Variants in CNTN4 observed in about 807,000 individuals in gnomAD.
CNTN4 encodes the protein contactin 4, also known as contactin-4.
A neutral mutation model predicts 122.5 loss-of-function variants in CNTN4; 77 were observed. That is an observed-to-expected ratio of 0.63 (90% CI 0.52 to 0.76). CNTN4 has a LOEUF of 0.76. CNTN4 is among the 30% of genes least tolerant of loss of function. The probability of loss-of-function intolerance (pLI) is 0.00; values close to 1 mark genes in which losing one functional copy is unlikely to be tolerated. For missense variants in CNTN4, 1,256 were observed against 1,259.1 expected (o/e 1.00, Z 0.04); for synonymous variants, 512 against 447.0 (o/e 1.15, Z -1.83).
Position 2,835,940 on chromosome 3 carries a change from A to G in CNTN4, c.454+16359A>G, listed in dbSNP as rs17021254. ...GAATTAGAAAACAGTATATAGAGAGACATCCAAGAGGAGCTTTGAGATATG... is the reference window on the plus strand; with the variant it reads ...GAATTAGAAAACAGTATATAGAGAGGCATCCAAGAGGAGCTTTGAGATATG... On this transcript the variant is annotated intron_variant, in intron 7 of 24. Coordinates refer to ENST00000418658, the MANE Select transcript of CNTN4 (RefSeq NM_175607.3). 6.2e-3 allele frequency among the ~76,000 whole-genome samples: 937 copies of G among 152,282 alleles called. 10 individuals carry two copies. The highest frequency in any genetic ancestry group is 0.01 in the Middle Eastern group (3 of 294).
At chr3:2,564,371 T>C (rs2079070903) in intron 3 of CNTN4, among the ~76,000 whole-genome samples, 1 of 152,154 alleles carries the variant, frequency 6.6e-6, no homozygotes, top group Non-Finnish European at 1.5e-5. Context: ...AACAGTTTAA[T>C]ACATAGAATT....
chr3:3,037,684 G>A lies in CNTN4; in HGVS notation c.2092+356G>A, dbSNP rs530240218. On this transcript the variant is annotated intron_variant, in intron 18 of 24. Coordinates refer to ENST00000418658, the MANE Select transcript of CNTN4 (RefSeq NM_175607.3). ...AAATTATCTCACATAAGTAACTAATGGCAAAGAATAATTTGTGACTGCTCT... is the reference window on the plus strand; with the variant it reads ...AAATTATCTCACATAAGTAACTAATAGCAAAGAATAATTTGTGACTGCTCT... 4 of 344,922 alleles carry A rather than the reference G, an allele frequency of 1.2e-5. No individual in the cohort carries two copies. In the East Asian group the frequency reaches 2.9e-4, roughly 25 times the overall value. 21.4% of individuals were successfully genotyped at this position (344,922 alleles called of 1,614,324 possible).
intron 13 of CNTN4, among the ~76,000 whole-genome samples, chr3:2,943,243 A>G (rs970332144): frequency 3.9e-5 from 6 of 152,192 alleles, no homozygotes; most frequent in Non-Finnish European, 7.3e-5. Context: ...GGTAAAAGCT[A>G]CAGAGAGTCT....
intron 2 of CNTN4, among the ~76,000 whole-genome samples, chr3:2,325,684 C>T (rs1158883725): frequency 6.6e-6 from 1 of 152,136 alleles, no homozygotes; most frequent in East Asian, 1.9e-4. Flanking sequence ...CCAGCGGTCA[C>T]TACACATACT....
chr3:2,536,679 C>G (rs2077821102), intron 3 of CNTN4, among the ~76,000 whole-genome samples: 1 of 151,602 alleles, frequency 6.6e-6, no homozygotes, highest in Non-Finnish European at 1.5e-5. Context: ...CTGCTTTGGC[C>G]TCCCAAAATG....
chr3:2,377,971 G>A (rs2045883768), intron 3 of CNTN4, among the ~76,000 whole-genome samples: 1 of 152,134 alleles, frequency 6.6e-6, no homozygotes, highest in Non-Finnish European at 1.5e-5. Flanking sequence ...AAAGACAAGT[G>A]CTAACAACTG....
intron 13 of CNTN4, among the ~76,000 whole-genome samples, chr3:2,979,663 A>G (rs2125181832): frequency 6.6e-6 from 1 of 150,702 alleles, no homozygotes; most frequent in South Asian, 2.1e-4. Flanking sequence ...TTTATTCTTG[A>G]TCTAACAATA....
chr3:2,762,504 G>A (rs1429809328), intron 6 of CNTN4, among the ~76,000 whole-genome samples: 1 of 152,138 alleles, frequency 6.6e-6, no homozygotes, highest in African/African-American at 2.4e-5. Flanking sequence ...TAAGGATAAT[G>A]GCTCCATCCG....
At chr3:2,321,408 G>A (rs1196807337) in intron 2 of CNTN4, among the ~76,000 whole-genome samples, 4 of 152,032 alleles carry the variant, frequency 2.6e-5, no homozygotes, top group Non-Finnish European at 5.9e-5. Flanking sequence ...ACTGTCCTGA[G>A]GGTTAAAGAA....
At chr3:2,766,958 A>G (rs1024986229) in intron 6 of CNTN4, among the ~76,000 whole-genome samples, 2 of 152,184 alleles carry the variant, frequency 1.3e-5, no homozygotes, top group Non-Finnish European at 2.9e-5. Context: ...ACTATAGGGC[A>G]TGGAATGGTA....
chr3:2,859,536 TG>T (rs1282819563), intron 7 of CNTN4, among the ~76,000 whole-genome samples: 10 of 88,160 alleles, frequency 1.1e-4, no homozygotes, highest in East Asian at 4.3e-4. Context: ...GATGCTTTCC[TG>T]GTTTTTTTTT....
rs78806729 is a variant in CNTN4, at chr3:2,765,937, T to C, written c.358+20240T>C. 6.2e-3 allele frequency among the ~76,000 whole-genome samples: 947 copies of C among 152,256 alleles called. 13 individuals carry two copies. The highest frequency in any genetic ancestry group is 0.022 in the African/African-American group (902 of 41,544). On this transcript the variant is annotated intron_variant, in intron 6 of 24. Transcript: ENST00000418658. ...AAGGACAAATCACCAGCTTTGAAAA[T>C]GTATCATGAACTTAGGGATTTGGGC... is the stretch of plus-strand genomic sequence containing the variant.
At chr3:2,270,295 A>T (rs62244977) in intron 2 of CNTN4, among the ~76,000 whole-genome samples, 1 of 150,064 alleles carries the variant, frequency 6.7e-6, no homozygotes, top group Non-Finnish European at 1.5e-5. Context: ...AACGACATAT[A>T]TACAGGTTTG....
chr3:2,201,513 A>G (rs1382268145), intron 2 of CNTN4, among the ~76,000 whole-genome samples: 1 of 152,214 alleles, frequency 6.6e-6, no homozygotes, highest in Non-Finnish European at 1.5e-5. Context: ...TGCTAATTAC[A>G]TCCAGGTACC....
At chr3:2,219,632 A>G (rs1223578112) in intron 2 of CNTN4, among the ~76,000 whole-genome samples, 2 of 152,148 alleles carry the variant, frequency 1.3e-5, no homozygotes, top group African/African-American at 4.8e-5. Context: ...TTAGGCTCAT[A>G]TCTACAATAA....
At chr3:2,144,649 T>A (rs1251125625) in intron 2 of CNTN4, among the ~76,000 whole-genome samples, 2 of 152,186 alleles carry the variant, frequency 1.3e-5, no homozygotes, top group East Asian at 3.9e-4. Context: ...ATTATACTCA[T>A]CCCTCTGACC....
In CNTN4 at chr3:2,736,323, A is replaced by C. The variant is rs750714691; in HGVS notation, c.164A>C (p.Asn55Thr). 9 of 1,613,820 alleles carry C rather than the reference A, an allele frequency of 5.6e-6. No homozygotes were observed. The South Asian group carries it at 8.8e-5, about 16-fold the overall frequency. Residue 55 changes from asparagine to threonine, a missense_variant, in exon 5 of 25, where the codon AAT becomes ACT. By Grantham distance (65) the Asn-to-Thr change is moderately conservative. Transcript: ENST00000418658. ...AAGCTCAATTGTGAAGTTAAAGGAA[A>C]TCCAAAACCTCATATCAGGTTTGTT... is the stretch of plus-strand genomic sequence containing the variant. ...KVKLNCEVKG[N>T]PKPHIRWKLN...
chr3:3,030,177 C>T (rs1699044754), intron 15 of CNTN4, among the ~76,000 whole-genome samples: 1 of 152,158 alleles, frequency 6.6e-6, no homozygotes, highest in South Asian at 2.1e-4. Flanking sequence ...ATCATCTCCT[C>T]ACATTTATTA....
chr3:2,307,772 A>G (rs73807713), intron 2 of CNTN4, among the ~76,000 whole-genome samples: 3,221 of 151,920 alleles, frequency 0.021, 112 homozygotes, highest in African/African-American at 0.072. Context: ...AATCTGGTCT[A>G]TATCATTGCT....
Sources: gnomAD v4.1 joint callset for allele counts (sites outside exome capture counted in the v4.1 genomes callset) on GRCh38, gnomAD v4.1.1 for gene constraint, MANE v1.5 for transcripts, NCBI Gene and HGNC (gene_info 2026-07-23, HGNC 2026-07-21) for gene names.